PCOLCE2: variants seen among roughly 807,000 people sequenced by gnomAD.
The protein encoded by PCOLCE2 is procollagen C-endopeptidase enhancer 2.
In PCOLCE2, 42 loss-of-function variants were observed where a neutral mutation model predicts 47.0. That is an observed-to-expected ratio of 0.89 (90% CI 0.70 to 1.16). PCOLCE2 has a LOEUF of 1.16. PCOLCE2 is among the 50% of genes most tolerant of loss of function. PCOLCE2 has a pLI of 0.00. For missense variants in PCOLCE2, 500 were observed against 526.1 expected (o/e 0.95, Z 0.49); for synonymous variants, 169 against 191.7 (o/e 0.88, Z 0.98).
intron 2 of PCOLCE2, among the ~76,000 whole-genome samples, chr3:142,853,564 G>A (rs895737540): frequency 3.3e-5 from 5 of 152,068 alleles, no homozygotes; most frequent in Non-Finnish European, 7.4e-5. Context: ...ATGAATCACC[G>A]GCCTCCTTGC....
At chr3:142,862,249 T>G (rs941767537) in intron 2 of PCOLCE2, among the ~76,000 whole-genome samples, 3 of 152,174 alleles carry the variant, frequency 2.0e-5, no homozygotes, top group African/African-American at 7.2e-5. Flanking sequence ...TCATCTGCCC[T>G]CCTGCCTTCC....
intron 5 of PCOLCE2, among the ~76,000 whole-genome samples, chr3:142,830,773 T>C (rs926221686): frequency 1.3e-5 from 2 of 152,262 alleles, no homozygotes; most frequent in African/African-American, 4.8e-5. Flanking sequence ...TGCTGTCTGA[T>C]TAATTCTGTT....
chr3:142,838,816 T>A lies in PCOLCE2; in HGVS notation c.664A>T (p.Asn222Tyr). Residue 222 changes from asparagine (N) to tyrosine (Y), a missense_variant, in exon 5 of 9, where the codon AAC (asparagine) becomes TAC (tyrosine). By Grantham distance (143) the Asn-to-Tyr change is moderately radical. Coordinates refer to ENST00000295992, the MANE Select transcript of PCOLCE2 (RefSeq NM_013363.4). ...YVAVFNGGEV[N>Y]DARRIGKYCG... is the part of the protein sequence containing the mutation. ...TACTTTCCAATTCTTCTAGCATCGT[T>A]GACTTCCCCGCCATTAAACACAGCC... is the stretch of plus-strand genomic sequence containing the variant. 1 of 1,613,884 alleles carries A rather than the reference T, an allele frequency of 6.2e-7. No individual in the cohort carries two copies.
intron 8 of PCOLCE2, among the ~76,000 whole-genome samples, chr3:142,819,599 C>A (rs2108181374): frequency 6.6e-6 from 1 of 152,302 alleles, no homozygotes; most frequent in East Asian, 1.9e-4. Flanking sequence ...CTACTAGCCT[C>A]CTGACTTTTC....
chr3:142,888,749 G>A, intron 1 of PCOLCE2, 65 bp downstream of exon 1: 1 of 999,102 alleles, frequency 1.0e-6, no homozygotes, highest in Non-Finnish European at 1.4e-6. Context: ...TAAAGCAGCA[G>A]GCGAGGCTGC....
At position 142,820,865 on chromosome 3, in the gene PCOLCE2, T is replaced by G. The variant is rs1937004731; in HGVS notation, c.1117+13A>C. On this transcript the variant is annotated intron_variant, in intron 8 of 8. Coordinates refer to ENST00000295992, the MANE Select transcript of PCOLCE2 (RefSeq NM_013363.4). Reference sequence around the variant, plus strand: ...TGGCTTGCTCAGAGACACCCAGTTTTCTCCCTACTCACCTCTTCTGAGGAG... The same window carrying G: ...TGGCTTGCTCAGAGACACCCAGTTTGCTCCCTACTCACCTCTTCTGAGGAG... 1.9e-6 allele frequency: 3 copies of G among 1,597,422 alleles called. No homozygotes were observed. In the East Asian group the frequency reaches 6.8e-5, roughly 36 times the overall value.
chr3:142,864,718 T>C (rs1371080040), intron 2 of PCOLCE2, among the ~76,000 whole-genome samples: 3 of 152,224 alleles, frequency 2.0e-5, no homozygotes, highest in Non-Finnish European at 4.4e-5. Flanking sequence ...CCTGTCTCTA[T>C]AGACTTGCCT....
chr3:142,820,667 G>T (rs1161375577), intron 8 of PCOLCE2, among the ~76,000 whole-genome samples: 1 of 152,114 alleles, frequency 6.6e-6, no homozygotes, highest in African/African-American at 2.4e-5. Flanking sequence ...AACTTCAAAC[G>T]CTTCTTTCAC....
chr3:142,825,553 A>G, intron 6 of PCOLCE2, among the ~76,000 whole-genome samples: 1 of 152,006 alleles, frequency 6.6e-6, no homozygotes, highest in East Asian at 1.9e-4. Flanking sequence ...ATGGCTGTTC[A>G]TTGCCAGTCT....
intron 2 of PCOLCE2, among the ~76,000 whole-genome samples, chr3:142,860,441 T>C (rs140727967): frequency 1.4e-4 from 22 of 152,234 alleles, no homozygotes; most frequent in African/African-American, 5.1e-4. Context: ...GTTGTTGTTG[T>C]TGTTGTTGTT....
chr3:142,822,649 A>G (rs975067062), intron 7 of PCOLCE2, among the ~76,000 whole-genome samples: 1 of 152,162 alleles, frequency 6.6e-6, no homozygotes, highest in African/African-American at 2.4e-5. Context: ...TGTGGTAGCA[A>G]TTACATGTGG....
chr3:142,827,218 C>T (rs1226405415), intron 6 of PCOLCE2: 5 of 1,234,152 alleles, frequency 4.1e-6, no homozygotes, highest in Admixed American at 1.7e-5. Flanking sequence ...TGCCGATGTG[C>T]TGGTGGTTGC....
intron 7 of PCOLCE2, among the ~76,000 whole-genome samples, chr3:142,823,160 G>T (rs1171856251): frequency 6.6e-6 from 1 of 152,058 alleles, no homozygotes; most frequent in African/African-American, 2.4e-5. Context: ...ATATAAGCTC[G>T]GGTATGTTTC....
intron 3 of PCOLCE2, among the ~76,000 whole-genome samples, chr3:142,844,678 G>A (rs1357814466): frequency 6.6e-6 from 1 of 151,976 alleles, no homozygotes; most frequent in African/African-American, 2.4e-5. Flanking sequence ...TGCACTTATT[G>A]GCCATTCATA....
rs749107058 is a variant in PCOLCE2 at position 142,863,603 on chromosome 3, C to T, written c.193-15131G>A. Among the ~76,000 whole-genome samples the T allele has an allele frequency of 2.0e-5, 3 of 152,042 alleles. No homozygotes were observed. The East Asian group carries it at 5.8e-4, about 29-fold the overall frequency. ...CACAAATGTGTAGCCTCAAATAGCG[C>T]GTAAGAGAGGAAGAGGGTGTGGGAA... On this transcript the variant is annotated intron_variant, in intron 2 of 8. Coordinates refer to ENST00000295992, the MANE Select transcript of PCOLCE2 (RefSeq NM_013363.4).
intron 2 of PCOLCE2, among the ~76,000 whole-genome samples, chr3:142,876,354 A>C (rs1933498150): frequency 6.6e-6 from 1 of 150,990 alleles, no homozygotes. Context: ...AAGCAATCCT[A>C]TGAGGTAGGG....
chr3:142,877,420 A>C (rs1235829872), intron 2 of PCOLCE2, among the ~76,000 whole-genome samples: 2 of 152,208 alleles, frequency 1.3e-5, no homozygotes, highest in Non-Finnish European at 2.9e-5. Context: ...TGGCTTGTAG[A>C]CAAGTTCTGC....
intron 2 of PCOLCE2, among the ~76,000 whole-genome samples, chr3:142,879,642 G>C (rs1933563813): frequency 6.6e-6 from 1 of 152,186 alleles, no homozygotes; most frequent in African/African-American, 2.4e-5. Flanking sequence ...CTTAATAACT[G>C]ACATCTAATT....
intron 2 of PCOLCE2, among the ~76,000 whole-genome samples, chr3:142,861,610 G>A (rs1241407335): frequency 1.3e-5 from 2 of 152,258 alleles, no homozygotes; most frequent in East Asian, 1.9e-4. Flanking sequence ...ACATCTCCCT[G>A]AGGACGATAA....
Sources: gnomAD v4.1 joint callset for allele counts (sites outside exome capture counted in the v4.1 genomes callset) on GRCh38, gnomAD v4.1.1 for gene constraint, MANE v1.5 for transcripts, NCBI Gene and HGNC (gene_info 2026-07-23, HGNC 2026-07-21) for gene names.